VWA3B: variants seen among roughly 807,000 people sequenced by gnomAD.
VWA3B encodes von Willebrand factor A domain-containing protein 3B.
In VWA3B, 138 loss-of-function variants were observed where a neutral mutation model predicts 158.3. That is an observed-to-expected ratio of 0.87 (90% CI 0.76 to 1.00). The LOEUF is 1.00. Among genes scored for constraint, VWA3B ranks in the 50% least tolerant of loss-of-function variants. The pLI, the probability that VWA3B is intolerant of heterozygous loss-of-function variation, is 0.00. For missense variants in VWA3B, 1,555 were observed against 1,565.1 expected (o/e 0.99, Z 0.11); for synonymous variants, 596 against 587.3 (o/e 1.01, Z -0.21).
intron 2 of VWA3B, among the ~76,000 whole-genome samples, chr2:98,094,558 C>T (rs1361649432): frequency 6.6e-6 from 1 of 151,928 alleles, no homozygotes; most frequent in Non-Finnish European, 1.5e-5. Flanking sequence ...AATATTTTCC[C>T]CTATTTCTGT....
intron 8 of VWA3B, among the ~76,000 whole-genome samples, chr2:98,179,575 C>T (rs1303654555): frequency 6.6e-6 from 1 of 152,198 alleles, no homozygotes; most frequent in Non-Finnish European, 1.5e-5. Flanking sequence ...TGTTGATCGC[C>T]TCCACCTCAT....
In VWA3B at chr2:98,105,925, AT is replaced by A. The variant is rs1046329870; in HGVS notation, c.197-9719del. Among the ~76,000 whole-genome samples the A allele has an allele frequency of 4.6e-5, 7 of 150,744 alleles. No homozygotes were observed. The East Asian group carries it at 5.8e-4, about 13-fold the overall frequency. On this transcript the variant is annotated intron_variant, in intron 2 of 27. Transcript: ENST00000477737. The stretch of plus-strand genomic sequence containing the variant: ...ATTTATTTATTTATTTATTTGATTT[AT>A]TTTTTTTGAGACAGAGTCTCGCTCT...
intron 22 of VWA3B, among the ~76,000 whole-genome samples, chr2:98,278,464 G>A (rs1688663841): frequency 6.6e-6 from 1 of 152,196 alleles, no homozygotes; most frequent in Admixed American, 6.5e-5. Context: ...TCAGCATGCA[G>A]GAAGAATCAG....
chr2:98,296,410 G>GA (rs59318211), intron 23 of VWA3B, among the ~76,000 whole-genome samples: 67,280 of 152,078 alleles, frequency 0.44, 15,261 homozygotes, highest in Non-Finnish European at 0.5. Flanking sequence ...GTTTATGGTA[G>GA]AAATGTGTGA....
chr2:98,307,353 A>G (rs1690588317), intron 26 of VWA3B, among the ~76,000 whole-genome samples: 1 of 152,162 alleles, frequency 6.6e-6, no homozygotes, highest in Non-Finnish European at 1.5e-5. Flanking sequence ...CACATTCTGT[A>G]TTTGTTCTGA....
intron 20 of VWA3B, among the ~76,000 whole-genome samples, chr2:98,251,833 C>T (rs1306186959): frequency 3.3e-5 from 5 of 152,282 alleles, no homozygotes; most frequent in East Asian, 3.9e-4. Context: ...GAGCCTCCAT[C>T]GTTGCCCTCA....
chr2:98,221,757 C>T (rs1162326650), intron 14 of VWA3B, among the ~76,000 whole-genome samples: 2 of 152,288 alleles, frequency 1.3e-5, no homozygotes, highest in East Asian at 3.9e-4. Flanking sequence ...CTCTGAGTCC[C>T]TCACCAGGGT....
rs149987201 is a variant in VWA3B, at chr2:98,293,906, G to C, written c.3157+3284G>C. Among the ~76,000 whole-genome samples, 492 of 152,152 alleles carry C rather than the reference G, an allele frequency of 3.2e-3. 3 individuals are homozygous for C. Among genetic ancestry groups the C allele is most frequent in the African/African-American group, 0.011 (459 of 41,522 alleles). On this transcript the variant is annotated intron_variant, in intron 23 of 27. Transcript: ENST00000477737. Reference sequence around the variant, plus strand: ...AGCCCAGAATCATGTATTGCATTTAGTGGACATGTCTCTAGCCCTCTTTGA... The same window carrying C: ...AGCCCAGAATCATGTATTGCATTTACTGGACATGTCTCTAGCCCTCTTTGA...
chr2:98,119,613 G>A lies in VWA3B; in HGVS notation c.392G>A (p.Arg131Gln), dbSNP rs373644930. Residue 131 changes from arginine to glutamine, a missense_variant, in exon 4 of 28, where the codon CGG (arginine) becomes CAG (glutamine). Transcript: ENST00000477737. ...QRMDWLTSKS[R>Q]QIFGVILEQC... ...ATGGACTGGCTCACCAGCAAGAGCC[G>A]GCAGATTTTTGGTGTCATCTTGGAA... 1.2e-5 allele frequency: 19 copies of A among 1,613,940 alleles called. No individual in the cohort carries two copies. Among genetic ancestry groups the A allele is most frequent in the Admixed American group, 1.7e-5 (1 of 59,988 alleles).
chr2:98,115,603 G>T lies in VWA3B; in HGVS notation c.197-49G>T, dbSNP rs748929148. 10 of 1,408,144 alleles carry T rather than the reference G, an allele frequency of 7.1e-6. No homozygotes were observed. The Admixed American group carries it at 1.6e-4, about 22-fold the overall frequency. The allele number at this position is 1,408,144 out of a possible 1,614,324, so 87.2% of individuals were successfully genotyped here. A position where few individuals can be genotyped will look rare whatever the true frequency, so the allele number is the denominator to read the frequency against. On this transcript the variant is annotated intron_variant, in intron 2 of 27. Transcript: ENST00000477737. The stretch of plus-strand genomic sequence containing the variant: ...AACATTTCAAAATAAAAATAGGAAG[G>T]TTCACTCATGTACTACTGTTTTGAT...
intron 7 of VWA3B, among the ~76,000 whole-genome samples, chr2:98,158,336 C>G (rs1678271836): frequency 6.6e-6 from 1 of 152,136 alleles, no homozygotes; most frequent in Admixed American, 6.5e-5. Context: ...CAGCAAGTGC[C>G]CGAGCACTGC....
chr2:98,194,256 T>A, intron 11 of VWA3B, 105 bp from the exon 12 acceptor site: 1 of 1,212,798 alleles, frequency 8.2e-7, no homozygotes, highest in East Asian at 2.4e-5. Flanking sequence ...CTTCTTGAAC[T>A]GAAAATAGAG....
Position 98,193,036 on chromosome 2 carries a change from G to A in VWA3B, c.1605G>A (p.Gln535=). 1 of 1,609,696 alleles carries A rather than the reference G, an allele frequency of 6.2e-7. No homozygotes were observed. The highest frequency in any genetic ancestry group is 8.5e-7 in the Non-Finnish European group (1 of 1,177,392). ...AGGACAAGATCATTCAGTTCATACA[G>A]GTTAGATGGAACTGTCGGTTCATGC... ...LVKDKIIQFI[Q]EQLKYKSKFN... Residue 535 remains glutamine (Q), a splice_region_variant and synonymous_variant, in exon 11 of 28, where the codon CAG becomes CAA. Coordinates refer to ENST00000477737, the MANE Select transcript of VWA3B (RefSeq NM_144992.5).
the VWA3B span, among the ~76,000 whole-genome samples, chr2:98,321,017 T>C: frequency 2.6e-5 from 4 of 152,314 alleles, no homozygotes; most frequent in Admixed American, 6.5e-5. Context: ...ACACCTCTGC[T>C]CTATGCAGCC....
chr2:98,106,798 A>G (rs1453250451), intron 2 of VWA3B, among the ~76,000 whole-genome samples: 3 of 152,310 alleles, frequency 2.0e-5, no homozygotes, highest in South Asian at 2.1e-4. Context: ...CTATCATGCC[A>G]TCTGCAAAGA....
In VWA3B at chr2:98,303,731, G is replaced by A. The variant is rs752017679; in HGVS notation, c.3450G>A (p.Lys1150=). The change falls in exon 26 of 28, where the codon AAG becomes AAA. Residue 1150 remains lysine (K), a synonymous_variant. Transcript: ENST00000477737. ...TTTGCCCTCGGAGTGCACTTATTAAGATCAGCCAAAACAAGTATGCGCTCT... is the reference window on the plus strand; with the variant it reads ...TTTGCCCTCGGAGTGCACTTATTAAAATCAGCCAAAACAAGTATGCGCTCT... ...REFCPRSALI[K]ISQNKYALSC... 5.9e-5 allele frequency: 95 copies of A among 1,614,150 alleles called. No individual in the cohort carries two copies. Among genetic ancestry groups the A allele is most frequent in the Non-Finnish European group, 7.6e-5 (90 of 1,180,028 alleles).
intron 19 of VWA3B, chr2:98,242,268 C>T: frequency 2.2e-6 from 1 of 456,166 alleles, no homozygotes. Context: ...GTTTCCCGGA[C>T]CAGCCTCAAA....
intron 21 of VWA3B, among the ~76,000 whole-genome samples, chr2:98,269,938 A>C (rs1471571574): frequency 6.6e-6 from 1 of 152,228 alleles, no homozygotes; most frequent in African/African-American, 2.4e-5. Flanking sequence ...TCCAACATCT[A>C]AATAAATAAG....
At chr2:98,172,520 G>A (rs1302733780) in intron 8 of VWA3B, among the ~76,000 whole-genome samples, 1 of 152,196 alleles carries the variant, frequency 6.6e-6, no homozygotes, top group Non-Finnish European at 1.5e-5. Context: ...CATTTGGGCA[G>A]GAAAACAGAA....
Sources: allele counts gnomAD v4.1 joint callset (sites outside exome capture counted in the v4.1 genomes callset), GRCh38; gene constraint gnomAD v4.1.1; transcripts MANE v1.5; gene names NCBI Gene and HGNC (gene_info 2026-07-23, HGNC 2026-07-21).